The following SUGP2 variants were observed in gnomAD, a reference collection of about 807,000 sequenced individuals.
SUGP2 encodes SURP and G-patch domain containing 2.
A neutral mutation model predicts 90.5 loss-of-function variants in SUGP2; 24 were observed. The observed-to-expected ratio is 0.27, with a 90% confidence interval of 0.19 to 0.37. The LOEUF is 0.37. SUGP2 is among the 10% of genes least tolerant of loss of function. The pLI is 1.00. For synonymous variants in SUGP2, 473 were observed against 513.4 expected (o/e 0.92, Z 1.06); for missense variants, 1,233 against 1,363.3 (o/e 0.90, Z 1.51).
At chr19:19,013,730 T>TAA (rs1162249447) in intron 4 of SUGP2, among the ~76,000 whole-genome samples, 1 of 152,220 alleles carries the variant, frequency 6.6e-6, no homozygotes, top group Non-Finnish European at 1.5e-5. Flanking sequence ...AGCCACTTGT[T>TAA]TTCCTGAGTG....
At chr19:19,016,464 GCCT>G (rs1406383017) in intron 4 of SUGP2, among the ~76,000 whole-genome samples, 1 of 152,250 alleles carries the variant, frequency 6.6e-6, no homozygotes, top group African/African-American at 2.4e-5. Context: ...GCCTCTCAGG[GCCT>G]CCTATTCCTC....
At chr19:19,029,401 T>C (rs1285214337) in intron 2 of SUGP2, among the ~76,000 whole-genome samples, 9 of 145,630 alleles carry the variant, frequency 6.2e-5, no homozygotes, top group Non-Finnish European at 1.0e-4. Flanking sequence ...CCCAAAGTGC[T>C]AGGATTACAG....
At chr19:19,001,000 G>A (rs1291459830) in intron 8 of SUGP2, among the ~76,000 whole-genome samples, 1 of 151,536 alleles carries the variant, frequency 6.6e-6, no homozygotes, top group Non-Finnish European at 1.5e-5. Context: ...ACACCCAATC[G>A]GCCTTAGCTT....
chr19:19,031,075 A>T lies in SUGP2; in HGVS notation c.-4T>A. The stretch of plus-strand genomic sequence containing the variant: ...GTGTAATTCGTCTGGCTGCCATGTT[A>T]TTTTGCCCTATGGTGAGAGAGAAAA... On this transcript the variant is annotated 5_prime_UTR_variant, in exon 2 of 11. Transcript: ENST00000452918. The T allele has an allele frequency of 5.0e-6, 8 of 1,611,372 alleles. No individual in the cohort carries two copies. The highest frequency in any genetic ancestry group is 6.8e-6 in the Non-Finnish European group (8 of 1,179,368).
At position 19,031,004 on chromosome 19, in the gene SUGP2, T is replaced by A; in HGVS notation, c.68A>T (p.His23Leu). The A allele has an allele frequency of 3.7e-6, 6 of 1,613,956 alleles. No homozygotes were observed. The highest frequency in any genetic ancestry group is 5.1e-6 in the Non-Finnish European group (6 of 1,179,970). ...TACAGCCTCACCACTGGCATCCATG[T>A]GATATCGTTTGGCTTTTTCTTGTAA... ...AVLQEKAKRY[H>L]MDASGEAVSE... The change falls in exon 2 of 11, where the codon CAC (histidine) becomes CTC (leucine). Residue 23 changes from histidine to leucine, a missense_variant. Coordinates refer to ENST00000452918, the MANE Select transcript of SUGP2 (RefSeq NM_001017392.5).
intron 7 of SUGP2, chr19:19,003,492 A>G (rs1393872211): frequency 6.6e-6 from 1 of 152,316 alleles, no homozygotes; most frequent in Admixed American, 6.5e-5. Context: ...GAAAGATAGA[A>G]TACCTGGGGC....
At chr19:19,016,740 G>A (rs933913477) in intron 4 of SUGP2, among the ~76,000 whole-genome samples, 2 of 152,114 alleles carry the variant, frequency 1.3e-5, no homozygotes, top group African/African-American at 2.4e-5. Flanking sequence ...GCCTCCCAAC[G>A]TTGTTTATGA....
intron 4 of SUGP2, among the ~76,000 whole-genome samples, chr19:19,017,731 CA>C (rs1182428130): frequency 1.3e-5 from 2 of 151,962 alleles, no homozygotes; most frequent in African/African-American, 4.8e-5. Context: ...GAGATCACAC[CA>C]CTATACTCCA....
At chr19:19,020,957 C>T (rs1177706267) in intron 3 of SUGP2, among the ~76,000 whole-genome samples, 1 of 151,664 alleles carries the variant, frequency 6.6e-6, no homozygotes, top group Non-Finnish European at 1.5e-5. Flanking sequence ...GTCAGGAGTT[C>T]GAGACCAGCC....
intron 1 of SUGP2, among the ~76,000 whole-genome samples, chr19:19,031,705 A>T (rs1218909561): frequency 6.7e-6 from 1 of 150,160 alleles, no homozygotes; most frequent in Non-Finnish European, 1.5e-5. Context: ...TGTCTCAAAG[A>T]AAAAAAAAAT....
chr19:19,004,138 A>G, intron 7 of SUGP2, 30 bp downstream of exon 7: 2 of 1,496,824 alleles, frequency 1.3e-6, no homozygotes, highest in Non-Finnish European at 1.8e-6. Context: ...ACTGTGCTAG[A>G]GGCAACTGTG....
chr19:19,032,236 G>C (rs900177513), intron 1 of SUGP2, among the ~76,000 whole-genome samples: 1 of 150,120 alleles, frequency 6.7e-6, no homozygotes, highest in Non-Finnish European at 1.5e-5. Flanking sequence ...TCGGCTAACT[G>C]CAACCTCCGC....
intron 4 of SUGP2, among the ~76,000 whole-genome samples, chr19:19,011,943 T>A (rs1378937484): frequency 6.6e-6 from 1 of 152,240 alleles, no homozygotes; most frequent in Non-Finnish European, 1.5e-5. Context: ...ATGGCAGTAT[T>A]TCAGGTGGCT....
chr19:19,011,706 G>C (rs190872191), intron 4 of SUGP2, among the ~76,000 whole-genome samples: 15 of 151,974 alleles, frequency 9.9e-5, no homozygotes, highest in African/African-American at 3.6e-4. Context: ...CATACATAAC[G>C]AACTTTTAAG....
At chr19:19,010,725 A>T (rs1476828616) in intron 4 of SUGP2, among the ~76,000 whole-genome samples, 2 of 152,240 alleles carry the variant, frequency 1.3e-5, no homozygotes, top group East Asian at 3.8e-4. Context: ...TGCATCAAGG[A>T]AAGTGTGATG....
chr19:18,994,607 A>G (rs2145222100), intron 9 of SUGP2, 121 bp from the exon 10 acceptor site: 1 of 1,355,710 alleles, frequency 7.4e-7, no homozygotes, highest in African/African-American at 1.5e-5. Context: ...CTGAGACATC[A>G]AAGAAAGGGA....
chr19:19,004,540 C>T lies in SUGP2; in HGVS notation c.2557G>A (p.Gly853Ser), dbSNP rs1213501911. 1 of 1,614,226 alleles carries T rather than the reference C, an allele frequency of 6.2e-7. No individual in the cohort carries two copies. The highest frequency in any genetic ancestry group is 8.5e-7 in the Non-Finnish European group (1 of 1,180,032). The part of the protein sequence containing the change: ...FTSSPHNLHT[G>S]GGDTTGSQES... ...TGAGAACCCGTGGTGTCACCACCAC[C>T]AGTGTGAAGGTTGTGCGGAGATGAC... The change falls in exon 7 of 11, where the codon GGT (glycine) becomes AGT (serine). Residue 853 changes from glycine to serine, a missense_variant. Coordinates refer to ENST00000452918, the MANE Select transcript of SUGP2 (RefSeq NM_001017392.5).
intron 10 of SUGP2, chr19:18,994,113 C>T (rs1348614139): frequency 1.5e-5 from 6 of 387,764 alleles, no homozygotes; most frequent in African/African-American, 4.2e-5. Flanking sequence ...GGCTCACAGC[C>T]GGGGCACCAG....
In SUGP2 at chr19:19,011,087, T is replaced by A. The variant is rs115980035; in HGVS notation, c.1851-745A>T. 7.8e-3 allele frequency among the ~76,000 whole-genome samples: 1,173 copies of A among 151,184 alleles called. 12 individuals are homozygous for A. The highest frequency in any genetic ancestry group is 0.028 in the African/African-American group (1,135 of 41,134). ...AGGAAGTCGAGAGGCTGTGGTGAGC[T>A]GTGATTGCACCACTGCACTCCAGTC... On this transcript the variant is annotated intron_variant, in intron 4 of 10. Coordinates refer to ENST00000452918, the MANE Select transcript of SUGP2 (RefSeq NM_001017392.5).
Sources: allele counts gnomAD v4.1 joint callset (sites outside exome capture counted in the v4.1 genomes callset), GRCh38; gene constraint gnomAD v4.1.1; transcripts MANE v1.5; gene names NCBI Gene and HGNC (gene_info 2026-07-23, HGNC 2026-07-21).